The following TSHZ2 variants were observed in gnomAD, a reference collection of about 807,000 sequenced individuals.
TSHZ2 encodes teashirt zinc finger homeobox 2.
Under a neutral mutation model 74.4 loss-of-function variants are expected in TSHZ2, and 21 were observed. The observed-to-expected ratio is 0.28, with a 90% CI of 0.20 to 0.41. TSHZ2 has a LOEUF of 0.41. Among genes scored for constraint, TSHZ2 ranks in the 10% least tolerant of loss-of-function variants. The probability of loss-of-function intolerance (pLI) is 1.00; values close to 1 mark genes in which losing one functional copy is unlikely to be tolerated. For synonymous variants in TSHZ2, 540 were observed against 515.3 expected, an observed-to-expected ratio of 1.05 and a Z score of -0.65; for missense variants, 1,244 against 1,293.5, an observed-to-expected ratio of 0.96 and a Z score of 0.59.
intron 2 of TSHZ2, among the ~76,000 whole-genome samples, chr20:53,339,839 C>T (rs1031738511): frequency 3.9e-5 from 6 of 152,130 alleles, no homozygotes; most frequent in Admixed American, 6.5e-5. Flanking sequence ...CCTAAATCCA[C>T]GCAAAACTTT....
At chr20:53,358,668 A>G (rs1193509119) in intron 2 of TSHZ2, among the ~76,000 whole-genome samples, 2 of 152,156 alleles carry the variant, frequency 1.3e-5, no homozygotes, top group Non-Finnish European at 2.9e-5. Context: ...TTGAAAAAAA[A>G]TTTACTTCCA....
At chr20:53,418,594 C>T (rs1337897252) in intron 2 of TSHZ2, among the ~76,000 whole-genome samples, 3 of 152,204 alleles carry the variant, frequency 2.0e-5, no homozygotes, top group South Asian at 4.2e-4. Flanking sequence ...TTCACTAACA[C>T]GACAACAGCA....
intron 2 of TSHZ2, chr20:53,421,680 G>GTTTTTTTTT (rs1983470658): frequency 9.1e-6 from 1 of 110,258 alleles, no homozygotes; most frequent in African/African-American, 3.6e-5. Context: ...TTATGTTTTT[G>GTTTTTTTTT]GTTTTTTTTT....
chr20:53,243,822 C>CTTTTTTTTT (rs5841936), intron 1 of TSHZ2, among the ~76,000 whole-genome samples: 3 of 145,684 alleles, frequency 2.1e-5, no homozygotes, highest in Non-Finnish European at 1.5e-5. Flanking sequence ...TGCTTGCTTG[C>CTTTTTTTTT]TTTTTTTTTT....
intron 1 of TSHZ2, among the ~76,000 whole-genome samples, chr20:53,058,255 G>A (rs928289069): frequency 6.6e-6 from 1 of 152,172 alleles, no homozygotes; most frequent in African/African-American, 2.4e-5. Context: ...GTATGGGTCT[G>A]TAGCCCCAGA....
intron 1 of TSHZ2, among the ~76,000 whole-genome samples, chr20:53,201,413 G>A (rs1989000702): frequency 6.6e-6 from 1 of 152,080 alleles, no homozygotes; most frequent in African/African-American, 2.4e-5. Context: ...TTTTCAAGCA[G>A]GGAATTGCAT....
intron 2 of TSHZ2, among the ~76,000 whole-genome samples, chr20:53,356,987 C>T (rs1980870514): frequency 6.6e-6 from 1 of 151,980 alleles, no homozygotes; most frequent in African/African-American, 2.4e-5. Context: ...GTGCATTTTT[C>T]TCAAGGGACC....
rs1361111386 is a variant in TSHZ2 at position 53,436,541 on chromosome 20, TATTA to T, written c.*9-50602_*9-50599del. The stretch of plus-strand genomic sequence containing the variant: ...TTTATTTATTTATTATTATTATTAT[TATTA>T]TTATTTTTTTTTTTTTTTTAGATGG... On this transcript the variant is annotated intron_variant, in intron 2 of 2. Coordinates refer to ENST00000371497, the MANE Select transcript of TSHZ2 (RefSeq NM_173485.6). Among the ~76,000 whole-genome samples, 80 of 84,754 alleles carry T rather than the reference TATTA, an allele frequency of 9.4e-4. 1 individual carries two copies. Among genetic ancestry groups the T allele is most frequent in the African/African-American group, 2.5e-3 (55 of 22,164 alleles). 55.6% of individuals were successfully genotyped at this position (84,754 alleles called of 152,430 possible). A position where few individuals can be genotyped will look rare whatever the true frequency, so the allele number is the denominator to read the frequency against.
intron 1 of TSHZ2, among the ~76,000 whole-genome samples, chr20:53,097,192 C>A (rs1986080452): frequency 6.6e-6 from 1 of 152,098 alleles, no homozygotes; most frequent in Non-Finnish European, 1.5e-5. Flanking sequence ...AACAAAACTG[C>A]CTCTGATTGA....
chr20:53,359,829 G>A (rs548471063), intron 2 of TSHZ2, among the ~76,000 whole-genome samples: 3 of 152,326 alleles, frequency 2.0e-5, no homozygotes, highest in East Asian at 1.9e-4. Context: ...GATGGTGAGA[G>A]GTAAGCCCAA....
In TSHZ2 at chr20:53,160,745, C is replaced by CAAAAAAAAAAAAAAA. The variant is rs10653039; in HGVS notation, c.41-92750_41-92736dup. 4.8e-3 allele frequency among the ~76,000 whole-genome samples: 455 copies of CAAAAAAAAAAAAAAA among 95,754 alleles called. 20 individuals are homozygous for CAAAAAAAAAAAAAAA. The highest frequency in any genetic ancestry group is 0.017 in the African/African-American group (410 of 23,596). 62.8% of individuals were successfully genotyped at this position (95,754 alleles called of 152,430 possible). ...GGGTGACAGGGCAAGACTCTGTCTCCAAAAAAAAAAAAAAAAAAGACATTT... is the reference window on the plus strand; with the variant it reads ...GGGTGACAGGGCAAGACTCTGTCTCCAAAAAAAAAAAAAAAAAAAAAAAAAAAAAAAAAGACATTT... On this transcript the variant is annotated intron_variant, in intron 1 of 2. Coordinates refer to ENST00000371497, the MANE Select transcript of TSHZ2 (RefSeq NM_173485.6).
At chr20:53,424,657 T>C (rs568766647) in intron 2 of TSHZ2, among the ~76,000 whole-genome samples, 1 of 152,242 alleles carries the variant, frequency 6.6e-6, no homozygotes, top group Admixed American at 6.5e-5. Flanking sequence ...CCTGCACCTG[T>C]CAACCCATCA....
chr20:53,418,858 C>T (rs1003855477), intron 2 of TSHZ2, among the ~76,000 whole-genome samples: 13 of 152,190 alleles, frequency 8.5e-5, no homozygotes, highest in African/African-American at 2.9e-4. Flanking sequence ...CTAAGGCAGG[C>T]CACCCAGACA....
chr20:53,075,719 G>A (rs1039728778), intron 1 of TSHZ2, among the ~76,000 whole-genome samples: 6 of 152,204 alleles, frequency 3.9e-5, no homozygotes, highest in Non-Finnish European at 8.8e-5. Flanking sequence ...CAGGCTGCTA[G>A]GAGACTGAGG....
At chr20:53,305,593 A>G (rs961531756) in intron 2 of TSHZ2, among the ~76,000 whole-genome samples, 14 of 152,168 alleles carry the variant, frequency 9.2e-5, no homozygotes, top group African/African-American at 2.9e-4. Flanking sequence ...TCTGGTTTTA[A>G]GTTGGCTACA....
intron 2 of TSHZ2, among the ~76,000 whole-genome samples, chr20:53,408,589 CA>C (rs1982930716): frequency 6.6e-6 from 1 of 151,668 alleles, no homozygotes; most frequent in African/African-American, 2.4e-5. Flanking sequence ...CATCGATTTC[CA>C]AATGAGTTGA....
intron 1 of TSHZ2, among the ~76,000 whole-genome samples, chr20:52,980,107 A>G (rs1187487934): frequency 1.3e-5 from 2 of 152,222 alleles, no homozygotes; most frequent in Non-Finnish European, 2.9e-5. Flanking sequence ...TTTTTAAAAA[A>G]TTGTTTCAGA....
intron 1 of TSHZ2, among the ~76,000 whole-genome samples, chr20:53,136,049 T>G (rs1987238976): frequency 6.6e-6 from 1 of 152,172 alleles, no homozygotes; most frequent in African/African-American, 2.4e-5. Flanking sequence ...AAGTCCAAGG[T>G]TGAGGGGCTG....
rs75627250 is a variant in TSHZ2 at position 53,348,661 on chromosome 20, T to A, written c.*8+92090T>A. Among the ~76,000 whole-genome samples the A allele has an allele frequency of 1.6e-4, 24 of 152,258 alleles. No individual in the cohort carries two copies. The South Asian group carries it at 5.0e-3, about 31-fold the overall frequency. ...AAATAGTTGAATCATGGAGGGGAGC[T>A]GGTAATGAAAGTGTCATGACAGAAT... On this transcript the variant is annotated intron_variant, in intron 2 of 2. Coordinates refer to ENST00000371497, the MANE Select transcript of TSHZ2 (RefSeq NM_173485.6).
Sources: allele counts gnomAD v4.1 joint callset (sites outside exome capture counted in the v4.1 genomes callset), GRCh38; gene constraint gnomAD v4.1.1; transcripts MANE v1.5; gene names NCBI Gene and HGNC (gene_info 2026-07-23, HGNC 2026-07-21).